Variants in NUP153 observed in about 807,000 individuals in gnomAD.
The protein encoded by NUP153 is nuclear pore complex protein Nup153.
In NUP153, 27 loss-of-function variants were observed where a neutral mutation model predicts 134.6. The ratio of observed to expected loss-of-function variants is 0.20; its 90% CI spans 0.15 to 0.28. NUP153 has a LOEUF of 0.28. Among genes scored for constraint, NUP153 ranks in the 10% least tolerant of loss-of-function variants. The pLI is 1.00. For missense variants in NUP153, 1,821 were observed against 1,731.3 expected (o/e 1.05, Z -0.92); for synonymous variants, 640 against 623.5 (o/e 1.03, Z -0.40).
Position 17,625,727 on chromosome 6 carries a change from T to C in NUP153, c.3901+81A>G, listed in dbSNP as rs1356559800. The C allele has an allele frequency of 9.4e-7, 1 of 1,060,392 alleles. No homozygotes were observed. The highest frequency in any genetic ancestry group is 1.6e-5 in the African/African-American group (1 of 63,406). The allele number at this position is 1,060,392 out of a possible 1,614,324, so 65.7% of individuals were successfully genotyped here. On this transcript the variant is annotated intron_variant, in intron 19 of 21. Coordinates refer to ENST00000262077, the MANE Select transcript of NUP153 (RefSeq NM_005124.4). The surrounding 1 kb of genome is among the most constrained non-coding windows in gnomAD (Gnocchi z 4.7). ...TTCCCACCATTTTGTGATAACCTGC[T>C]ATATGATATTCGCTAAGAACTGACA...
chr6:17,676,964 T>A (rs368386844), intron 2 of NUP153, among the ~76,000 whole-genome samples: 3 of 152,094 alleles, frequency 2.0e-5, no homozygotes, highest in Non-Finnish European at 4.4e-5. Flanking sequence ...TACTAGACAG[T>A]GTACCGTGCT....
chr6:17,651,367 A>C (rs1766484929), intron 11 of NUP153, among the ~76,000 whole-genome samples: 1 of 152,020 alleles, frequency 6.6e-6, no homozygotes, highest in Admixed American at 6.5e-5. Context: ...TAAATAATAA[A>C]TATTCCCTTA....
At chr6:17,692,751 C>G (rs1769362541) in intron 1 of NUP153, among the ~76,000 whole-genome samples, 2 of 152,276 alleles carry the variant, frequency 1.3e-5, no homozygotes, top group African/African-American at 4.8e-5. Context: ...AGGTCCTTCT[C>G]CAGCCCTTAG....
intron 17 of NUP153, 148 bp from the exon 18 acceptor site, chr6:17,629,687 C>A: frequency 1.6e-6 from 1 of 632,238 alleles, no homozygotes; most frequent in Non-Finnish European, 2.6e-6. Flanking sequence ...AAACATAATC[C>A]AAGGTGACCT....
rs1316422615 is a variant in NUP153, at chr6:17,637,348, C to T, written c.2269G>A (p.Ala757Thr). Reference protein sequence around the residue: ...TPKPGTCVKRALTLTVVSESA... With the variant: ...TPKPGTCVKRTLTLTVVSESA... ...TCCGAAACCACTGTCAATGTAAGGG[C>T]TCGCTTCACACAAGTTCCAGGTTTC... Residue 757 changes from alanine (A) to threonine (T), a missense_variant, in exon 16 of 22, where the codon GCC becomes ACC. Coordinates refer to ENST00000262077, the MANE Select transcript of NUP153 (RefSeq NM_005124.4). The T allele has an allele frequency of 1.9e-6, 3 of 1,614,160 alleles. No individual in the cohort carries two copies. The highest frequency in any genetic ancestry group is 3.3e-5 in the Admixed American group (2 of 60,014).
chr6:17,661,822 T>G (rs1427486189), intron 10 of NUP153, 43 bp from the exon 11 acceptor site: 1 of 1,585,574 alleles, frequency 6.3e-7, no homozygotes, highest in Non-Finnish European at 8.6e-7. Flanking sequence ...TATATTATTG[T>G]GGTCCATAAC....
At chr6:17,627,647 T>A (rs911914029) in intron 18 of NUP153, among the ~76,000 whole-genome samples, 14 of 152,204 alleles carry the variant, frequency 9.2e-5, no homozygotes, top group African/African-American at 2.9e-4. Flanking sequence ...AGGTGTGAGC[T>A]ACGGCACCCG....
At chr6:17,651,157 C>T (rs1766474647) in intron 11 of NUP153, among the ~76,000 whole-genome samples, 1 of 152,008 alleles carries the variant, frequency 6.6e-6, no homozygotes, top group South Asian at 2.1e-4. Context: ...AAACAAAAAA[C>T]TAGCCAGGTG....
At chr6:17,659,721 T>C (rs771988493) in intron 11 of NUP153, among the ~76,000 whole-genome samples, 34 of 152,206 alleles carry the variant, frequency 2.2e-4, no homozygotes, top group Non-Finnish European at 3.7e-4. Context: ...TCCGCCCGCC[T>C]TGGCCTCCCA....
At chr6:17,668,136 C>T (rs529079267) in intron 8 of NUP153, among the ~76,000 whole-genome samples, 16 of 141,798 alleles carry the variant, frequency 1.1e-4, no homozygotes, top group African/African-American at 3.5e-4. Context: ...AGTGCAGTGG[C>T]GCGGCCTCGG....
chr6:17,626,233 CCTACAATT>C, intron 18 of NUP153, 69 bp from the exon 19 acceptor site: 1 of 1,173,066 alleles, frequency 8.5e-7, no homozygotes, highest in Non-Finnish European at 1.2e-6. Context: ...TTTTTCCTAC[CCTACAATT>C]GCTAGAATTT....
intron 12 of NUP153, 33 bp from the exon 13 acceptor site, chr6:17,647,938 A>G (rs1415283794): frequency 2.2e-6 from 3 of 1,361,744 alleles, no homozygotes; most frequent in Admixed American, 1.8e-5. Context: ...AATGATACAA[A>G]AAGAGCTTTT....
chr6:17,665,999 T>TG (rs1277193852), intron 8 of NUP153, among the ~76,000 whole-genome samples: 2 of 151,806 alleles, frequency 1.3e-5, no homozygotes, highest in Non-Finnish European at 2.9e-5. Context: ...TTTTTTTTTT[T>TG]TTTTAAATGG....
chr6:17,623,040 G>T (rs1415231889), intron 20 of NUP153, among the ~76,000 whole-genome samples: 2 of 150,452 alleles, frequency 1.3e-5, no homozygotes. Context: ...TGAGGCAGAA[G>T]AATCACTTGA....
rs1251059735 is a variant in NUP153 at position 17,696,172 on chromosome 6, C to T, written c.112-7554G>A. On this transcript the variant is annotated intron_variant, in intron 1 of 21. Transcript: ENST00000262077. ...CCCCAAAAAAGTTAAGGGACCCTGC[C>T]TACCAAACAGATCTGGAGAGGTACC... Among the ~76,000 whole-genome samples the T allele has an allele frequency of 7.2e-5, 11 of 152,170 alleles. No individual in the cohort carries two copies. In the East Asian group the frequency reaches 1.9e-3, roughly 27 times the overall value.
intron 11 of NUP153, among the ~76,000 whole-genome samples, chr6:17,651,371 T>C (rs1766485040): frequency 6.6e-6 from 1 of 151,936 alleles, no homozygotes; most frequent in South Asian, 2.1e-4. Flanking sequence ...TAATAAATAT[T>C]CCCTTAACCC....
chr6:17,688,636 A>G lies in NUP153; in HGVS notation c.112-18T>C, dbSNP rs1472722891. The G allele has an allele frequency of 6.4e-7, 1 of 1,562,356 alleles. No homozygotes were observed. Among genetic ancestry groups the G allele is most frequent in the Non-Finnish European group, 8.8e-7 (1 of 1,139,460 alleles). ...AGAATGCCCTGTTGAGAGAAAAAAC[A>G]TATTATGACAGTTTTAGAAATTTAT... On this transcript the variant is annotated intron_variant, in intron 1 of 21. Transcript: ENST00000262077.
At chr6:17,635,806 C>T (rs146021515) in intron 16 of NUP153, among the ~76,000 whole-genome samples, 1 of 152,324 alleles carries the variant, frequency 6.6e-6, no homozygotes, top group Non-Finnish European at 1.5e-5. Context: ...AAAATACAAA[C>T]TTGACTGTAT....
chr6:17,628,866 G>C lies in NUP153; in HGVS notation c.3333C>G (p.Val1111=). 6.2e-7 allele frequency: 1 copy of C among 1,614,198 alleles called. No homozygotes were observed. Among genetic ancestry groups the C allele is most frequent in the Non-Finnish European group, 8.5e-7 (1 of 1,180,026 alleles). ...GRTEEKQQEP[V]TSTSLVFGKK... Reference sequence around the variant, plus strand: ...TCCCAAAAACTAGGGAAGTAGAAGTGACAGGCTCTTGCTGTTTCTCTTCTG... The same window carrying C: ...TCCCAAAAACTAGGGAAGTAGAAGTCACAGGCTCTTGCTGTTTCTCTTCTG... Residue 1111 remains valine (V), a synonymous_variant, in exon 18 of 22, where the codon GTC becomes GTG. Transcript: ENST00000262077. The surrounding 1 kb of genome is among the most constrained non-coding windows in gnomAD (Gnocchi z 5.4).
Sources: allele counts gnomAD v4.1 joint callset (sites outside exome capture counted in the v4.1 genomes callset), GRCh38; gene constraint gnomAD v4.1.1; non-coding constraint Gnocchi (gnomAD v3.1); transcripts MANE v1.5; gene names NCBI Gene and HGNC (gene_info 2026-07-23, HGNC 2026-07-21).